Variants in WDFY4 observed in about 807,000 individuals in gnomAD.
WDFY4 encodes the protein WDFY family member 4.
In WDFY4, 169 loss-of-function variants were observed where a neutral mutation model predicts 351.9. The ratio of observed to expected loss-of-function variants is 0.48; its 90% CI spans 0.42 to 0.55. The LOEUF (loss-of-function observed/expected upper bound fraction) is 0.55. Ranked by LOEUF, WDFY4 falls within the 20% of genes least tolerant of loss-of-function variation. The probability of loss-of-function intolerance (pLI) is 0.00; values close to 1 mark genes in which losing one functional copy is unlikely to be tolerated. For synonymous variants in WDFY4, 1,622 were observed against 1,574.6 expected, an observed-to-expected ratio of 1.03 and a Z score of -0.71; for missense variants, 3,803 against 3,935.6, an observed-to-expected ratio of 0.97 and a Z score of 0.90.
At chr10:48,792,484 T>A (rs2066717833) in intron 23 of WDFY4, among the ~76,000 whole-genome samples, 1 of 152,224 alleles carries the variant, frequency 6.6e-6, no homozygotes, top group African/African-American at 2.4e-5. Flanking sequence ...TGGGTATGTC[T>A]GAGTTTATGC....
At chr10:48,890,455 A>C in intron 43 of WDFY4, 124 bp from the exon 44 acceptor site, 1 of 1,202,822 alleles carries the variant, frequency 8.3e-7, no homozygotes, top group Non-Finnish European at 1.2e-6. Context: ...ACTGCCATTC[A>C]TACAAGGCAC....
rs2063601986 is a variant in WDFY4, at chr10:48,705,466, G to A, written c.-17-4250G>A. 2.6e-5 allele frequency among the ~76,000 whole-genome samples: 4 copies of A among 152,288 alleles called. No homozygotes were observed. In the South Asian group the frequency reaches 8.3e-4, roughly 32 times the overall value. ...ATAAGAAGAGGCTGCTGGCTTGTAG[G>A]TGGGGCACTTCTTGAGAATGAGACG... is the stretch of plus-strand genomic sequence containing the variant. On this transcript the variant is annotated intron_variant, in intron 1 of 61. Transcript: ENST00000325239.
intron 11 of WDFY4, 52 bp downstream of exon 11, chr10:48,736,122 C>A (rs765121912): frequency 1.4e-5 from 22 of 1,538,156 alleles, no homozygotes; most frequent in East Asian, 2.4e-5. Context: ...ATGCACCAAG[C>A]GATCCACATT....
Position 48,901,175 on chromosome 10 carries a change from G to A in WDFY4, c.7524-626G>A, listed in dbSNP as rs144271696. ...AGAGGCTTTTGTGCTAGTTCTAGGC[G>A]CACTTCCTTGGACTCAGGTGAGCCT... is the stretch of plus-strand genomic sequence containing the variant. On this transcript the variant is annotated intron_variant, in intron 46 of 61. Coordinates refer to ENST00000325239, the MANE Select transcript of WDFY4 (RefSeq NM_001394531.1). Among the ~76,000 whole-genome samples, 1,486 of 152,334 alleles carry A rather than the reference G, an allele frequency of 9.8e-3. 13 individuals are homozygous for A. Among genetic ancestry groups the A allele is most frequent in the Non-Finnish European group, 0.016 (1,116 of 68,028 alleles).
chr10:48,892,095 A>G (rs1386014090), intron 44 of WDFY4, among the ~76,000 whole-genome samples: 1 of 152,220 alleles, frequency 6.6e-6, no homozygotes, highest in Non-Finnish European at 1.5e-5. Context: ...TTTTATTGAT[A>G]CTGATCAATA....
At chr10:48,809,018 C>G (rs1246505049) in intron 28 of WDFY4, among the ~76,000 whole-genome samples, 1 of 152,190 alleles carries the variant, frequency 6.6e-6, no homozygotes, top group East Asian at 1.9e-4. Flanking sequence ...CTAATACTTT[C>G]AATAGGTGAG....
Position 48,807,705 on chromosome 10 carries a change from G to A in WDFY4, c.4739-154G>A, listed in dbSNP as rs143555259. ...TTTTCTGAAATTCTTTTTAAGCATTGTGTGGAGGCTGGAATAAAATGCCAA... is the reference window on the plus strand; with the variant it reads ...TTTTCTGAAATTCTTTTTAAGCATTATGTGGAGGCTGGAATAAAATGCCAA... On this transcript the variant is annotated intron_variant, in intron 27 of 61. Coordinates refer to ENST00000325239, the MANE Select transcript of WDFY4 (RefSeq NM_001394531.1). The A allele has an allele frequency of 4.7e-3, 3,218 of 677,728 alleles. 16 individuals are homozygous for A. The highest frequency in any genetic ancestry group is 6.2e-3 in the Non-Finnish European group (2,519 of 406,288). 42.0% of individuals were successfully genotyped at this position (677,728 alleles called of 1,614,324 possible). A position where few individuals can be genotyped will look rare whatever the true frequency, so the allele number is the denominator to read the frequency against.
At chr10:48,931,203 G>T (rs1020557403) in intron 47 of WDFY4, among the ~76,000 whole-genome samples, 2 of 152,126 alleles carry the variant, frequency 1.3e-5, no homozygotes, top group Admixed American at 6.5e-5. Context: ...TTTGCCTTTG[G>T]CAGTTGCAGA....
chr10:48,845,843 C>T (rs1238058659), intron 39 of WDFY4, among the ~76,000 whole-genome samples: 1 of 152,108 alleles, frequency 6.6e-6, no homozygotes, highest in African/African-American at 2.4e-5. Flanking sequence ...AAAGACTCAC[C>T]GTCACATACC....
intron 39 of WDFY4, among the ~76,000 whole-genome samples, chr10:48,836,426 T>C (rs1032937290): frequency 5.3e-5 from 8 of 152,170 alleles, no homozygotes; most frequent in Non-Finnish European, 8.8e-5. Flanking sequence ...GCATCTTCTG[T>C]CTCTCTTCTG....
At chr10:48,813,001 C>T (rs75057231) in intron 30 of WDFY4, among the ~76,000 whole-genome samples, 2,158 of 152,314 alleles carry the variant, frequency 0.014, 18 homozygotes, top group Middle Eastern at 0.065. Flanking sequence ...AGACCATTTC[C>T]TCCTTTGTGC....
chr10:48,723,819 T>C (rs1362010691), intron 5 of WDFY4, among the ~76,000 whole-genome samples: 1 of 152,082 alleles, frequency 6.6e-6, no homozygotes, highest in African/African-American at 2.4e-5. Context: ...ATGGGTCACC[T>C]CCAGGATTGC....
intron 39 of WDFY4, among the ~76,000 whole-genome samples, chr10:48,844,708 G>A (rs115116017): frequency 1.1e-4 from 17 of 152,216 alleles, no homozygotes; most frequent in African/African-American, 3.4e-4. Flanking sequence ...TAAGATCTTC[G>A]AATCAAATGA....
chr10:48,811,833 C>T, intron 30 of WDFY4, 125 bp downstream of exon 30: 1 of 984,794 alleles, frequency 1.0e-6, no homozygotes, highest in East Asian at 2.6e-5. Flanking sequence ...GGGGTGCTGG[C>T]CCACTTCCCT....
At chr10:48,939,668 T>C (rs1317953054) in intron 47 of WDFY4, among the ~76,000 whole-genome samples, 1 of 152,220 alleles carries the variant, frequency 6.6e-6, no homozygotes, top group Admixed American at 6.5e-5. Context: ...AAAATTCACA[T>C]AGATCATTTT....
chr10:48,863,933 C>T (rs773979331), intron 39 of WDFY4, among the ~76,000 whole-genome samples: 1 of 152,086 alleles, frequency 6.6e-6, no homozygotes, highest in Non-Finnish European at 1.5e-5. Context: ...CCTTATAAAC[C>T]ATCAGATCTC....
At chr10:48,764,443 C>G (rs1009870150) in intron 13 of WDFY4, among the ~76,000 whole-genome samples, 13 of 152,100 alleles carry the variant, frequency 8.5e-5, no homozygotes, top group Non-Finnish European at 1.6e-4. Context: ...GAGTTGGCCC[C>G]AGAAAAAAGT....
At chr10:48,971,519 G>A (rs1842336969) in intron 57 of WDFY4, among the ~76,000 whole-genome samples, 2 of 151,624 alleles carry the variant, frequency 1.3e-5, no homozygotes, top group Non-Finnish European at 2.9e-5. Context: ...ATTCACCACT[G>A]ACCAAATTTA....
At chr10:48,916,554 C>G (rs1259351148) in intron 47 of WDFY4, among the ~76,000 whole-genome samples, 1 of 152,092 alleles carries the variant, frequency 6.6e-6, no homozygotes, top group African/African-American at 2.4e-5. Flanking sequence ...CCACTTGGCT[C>G]TAGAGGCAGA....
Sources: gnomAD v4.1 joint callset for allele counts (sites outside exome capture counted in the v4.1 genomes callset) on GRCh38, gnomAD v4.1.1 for gene constraint, MANE v1.5 for transcripts, NCBI Gene and HGNC (gene_info 2026-07-23, HGNC 2026-07-21) for gene names.